Variants in C14orf39 observed in about 807,000 individuals in gnomAD.
C14orf39 encodes the protein chromosome 14 open reading frame 39.
Under a neutral mutation model 85.6 loss-of-function variants are expected in C14orf39, and 66 were observed. The observed-to-expected ratio is 0.77, with a 90% CI of 0.63 to 0.95. The LOEUF is 0.95. C14orf39 is among the 40% of genes least tolerant of loss of function. C14orf39 has a pLI of 0.00. For synonymous variants in C14orf39, 242 were observed against 214.0 expected (o/e 1.13, Z -1.14); for missense variants, 735 against 663.9 (o/e 1.11, Z -1.18).
intron 2 of C14orf39, chr14:60,495,448 G>A (rs766170834): frequency 2.8e-4 from 48 of 169,590 alleles, no homozygotes; most frequent in Admixed American, 6.7e-4. Flanking sequence ...CTCAGTACCC[G>A]AAGGGAGATT....
At chr14:60,461,205 A>G (rs1217051064) in intron 13 of C14orf39, 149 bp downstream of exon 13, 3 of 590,236 alleles carry the variant, frequency 5.1e-6, no homozygotes, top group African/African-American at 3.7e-5. Context: ...TATTTGTTCT[A>G]TATTTAGGGA....
At chr14:60,490,196 A>G (rs1389397638), upstream of C14orf39, among the ~76,000 whole-genome samples, 2 of 152,150 alleles carry the variant, frequency 1.3e-5, no homozygotes, top group African/African-American at 4.8e-5. Flanking sequence ...CAACCACTAT[A>G]CAGGTGACTC....
Position 60,471,568 on chromosome 14 carries a change from A to T in C14orf39, c.495T>A (p.Ile165=). The change falls in exon 6 of 18, where the codon ATT becomes ATA. Residue 165 remains isoleucine, a synonymous_variant. Coordinates refer to ENST00000321731, the MANE Select transcript of C14orf39 (RefSeq NM_174978.3). ...TATTAATACCTCGAAATTTCATAAA[A>T]ATTGTTTCATTCATTTTTAATTGTT... The part of the protein sequence containing the change: ...CTEQLKMNET[I]FMKFRVPAPF... The T allele has an allele frequency of 6.3e-7, 1 of 1,592,762 alleles. No homozygotes were observed. The highest frequency in any genetic ancestry group is 1.2e-5 in the South Asian group (1 of 86,512).
At chr14:60,495,937 C>A in intron 2 of C14orf39, 1 of 449,020 alleles carries the variant, frequency 2.2e-6, no homozygotes, top group South Asian at 1.6e-5. Context: ...GCAAAGTACT[C>A]AGGGGGCAAG....
intron 16 of C14orf39, among the ~76,000 whole-genome samples, chr14:60,450,351 C>T (rs759764442): frequency 4.6e-5 from 7 of 152,178 alleles, no homozygotes; most frequent in East Asian, 1.9e-4. Flanking sequence ...CACTGGGCTT[C>T]GAGTGGATAT....
At chr14:60,460,656 TTAA>T (rs564875787) in intron 13 of C14orf39, among the ~76,000 whole-genome samples, 4 of 151,984 alleles carry the variant, frequency 2.6e-5, no homozygotes, top group Admixed American at 2.6e-4. Context: ...TGTGATTATG[TTAA>T]TATACATATA....
chr14:60,470,540 T>C (rs1408033269), intron 7 of C14orf39, among the ~76,000 whole-genome samples: 1 of 151,914 alleles, frequency 6.6e-6, no homozygotes, highest in African/African-American at 2.4e-5. Flanking sequence ...CTGTTTGTCA[T>C]GCAACCTTAT....
In C14orf39 at chr14:60,463,245, A is replaced by G. The variant is rs150209251; in HGVS notation, c.973-1652T>C. ...ATCCTTTGGCTTTCCTTTTCTATAA[A>G]CTGCCTTCTTATTTTTTGTCCATTT... On this transcript the variant is annotated intron_variant, in intron 11 of 17. Coordinates refer to ENST00000321731, the MANE Select transcript of C14orf39 (RefSeq NM_174978.3). Among the ~76,000 whole-genome samples the G allele has an allele frequency of 4.6e-5, 7 of 151,954 alleles. No individual in the cohort carries two copies. The East Asian group carries it at 1.2e-3, about 25-fold the overall frequency.
intron 5 of C14orf39, 51 bp downstream of exon 5, chr14:60,478,249 T>A: frequency 1.2e-6 from 1 of 828,484 alleles, no homozygotes; most frequent in Non-Finnish European, 1.8e-6. Context: ...ACACACCATG[T>A]CCTAATAATA....
chr14:60,482,440 C>A (rs1892683550), intron 4 of C14orf39, among the ~76,000 whole-genome samples: 1 of 152,066 alleles, frequency 6.6e-6, no homozygotes, highest in Admixed American at 6.6e-5. Context: ...AATTCATTTT[C>A]TATTTATAAA....
chr14:60,514,677 T>C (rs565210382), intron 1 of C14orf39, among the ~76,000 whole-genome samples: 2 of 152,316 alleles, frequency 1.3e-5, no homozygotes, highest in South Asian at 4.1e-4. Flanking sequence ...ATTAAACAAA[T>C]GACAGGCAAA....
At chr14:60,464,809 G>A (rs1487751277) in intron 11 of C14orf39, among the ~76,000 whole-genome samples, 1 of 151,768 alleles carries the variant, frequency 6.6e-6, no homozygotes, top group African/African-American at 2.4e-5. Context: ...TCTTTTAATG[G>A]GAGTTTAAAC....
rs763882248 is a variant in C14orf39, at chr14:60,455,165, C to A, written c.1359-20G>T. On this transcript the variant is annotated intron_variant, in intron 15 of 17. Transcript: ENST00000321731. ...CTGTTACTGAGAAATAAGAAATTATCAAAATGTTAAAAATCTATTATTAAA... is the reference window on the plus strand; with the variant it reads ...CTGTTACTGAGAAATAAGAAATTATAAAAATGTTAAAAATCTATTATTAAA... The A allele has an allele frequency of 1.3e-6, 2 of 1,511,590 alleles. No homozygotes were observed. The highest frequency in any genetic ancestry group is 1.2e-5 in the South Asian group (1 of 80,132). 93.6% of individuals were successfully genotyped at this position (1,511,590 alleles called of 1,614,324 possible).
At chr14:60,456,428 T>TC in intron 15 of C14orf39, among the ~76,000 whole-genome samples, 2 of 148,350 alleles carry the variant, frequency 1.3e-5, no homozygotes, top group Admixed American at 1.3e-4. Context: ...TAGCTTGACT[T>TC]TTTTTTTTTT....
At chr14:60,494,233 T>C (rs940528982) in intron 2 of C14orf39, 2 of 212,120 alleles carry the variant, frequency 9.4e-6, no homozygotes, top group Non-Finnish European at 2.0e-5. Context: ...GTGTTCTTGA[T>C]AGGCAGCTTC....
intron 1 of C14orf39, among the ~76,000 whole-genome samples, chr14:60,513,587 G>A (rs577614797): frequency 1.1e-4 from 16 of 152,264 alleles, no homozygotes; most frequent in African/African-American, 3.9e-4. Flanking sequence ...CCAGTGTTTG[G>A]AGAAGTTTGT....
intron 11 of C14orf39, 74 bp downstream of exon 11, chr14:60,465,905 A>T (rs1891762786): frequency 1.5e-5 from 10 of 663,668 alleles, no homozygotes; most frequent in Non-Finnish European, 2.4e-5. Flanking sequence ...TCTGTGTCTT[A>T]AGGGCAGTAC....
intron 16 of C14orf39, among the ~76,000 whole-genome samples, chr14:60,454,194 A>G (rs1891161949): frequency 6.6e-6 from 1 of 151,946 alleles, no homozygotes; most frequent in Non-Finnish European, 1.5e-5. Context: ...CAACAATTTA[A>G]TGTCAGATAT....
chr14:60,511,790 G>C (rs534150684), intron 1 of C14orf39: 1 of 161,916 alleles, frequency 6.2e-6, no homozygotes, highest in East Asian at 1.8e-4. Context: ...CAACCTAGTG[G>C]GCAACCTTCT....
Sources: allele counts gnomAD v4.1 joint callset (sites outside exome capture counted in the v4.1 genomes callset), GRCh38; gene constraint gnomAD v4.1.1; transcripts MANE v1.5; gene names NCBI Gene and HGNC (gene_info 2026-07-23, HGNC 2026-07-21).